The following FAM135B variants were observed in gnomAD, a reference collection of about 807,000 sequenced individuals.
The protein encoded by FAM135B is protein FAM135B.
In FAM135B, 43 loss-of-function variants were observed where a neutral mutation model predicts 127.7. The observed-to-expected ratio is 0.34, with a 90% confidence interval of 0.26 to 0.43. The LOEUF (loss-of-function observed/expected upper bound fraction) is 0.43. Ranked by LOEUF, FAM135B falls within the 20% of genes least tolerant of loss-of-function variation. The pLI is 1.00. For synonymous variants in FAM135B, 670 were observed against 665.1 expected, an observed-to-expected ratio of 1.01 and a Z score of -0.11; for missense variants, 1,558 against 1,725.6, an observed-to-expected ratio of 0.90 and a Z score of 1.72.
chr8:138,424,186 A>C (rs1292993172), intron 1 of FAM135B, among the ~76,000 whole-genome samples: 2 of 152,212 alleles, frequency 1.3e-5, no homozygotes, highest in Non-Finnish European at 2.9e-5. Flanking sequence ...CAGGATTAAG[A>C]TATTAAAGAC....
At chr8:138,474,979 T>A (rs951791716) in intron 1 of FAM135B, among the ~76,000 whole-genome samples, 2 of 152,246 alleles carry the variant, frequency 1.3e-5, no homozygotes, top group Non-Finnish European at 2.9e-5. Flanking sequence ...TTTCCAGACC[T>A]GTCTGTGACA....
intron 1 of FAM135B, among the ~76,000 whole-genome samples, chr8:138,461,698 C>T (rs1018666410): frequency 5.3e-5 from 8 of 152,148 alleles, no homozygotes; most frequent in Non-Finnish European, 7.4e-5. Context: ...GAAGCTCAGA[C>T]GTCAGTAGTC....
At chr8:138,148,029 C>A (rs1457877514) in intron 14 of FAM135B, among the ~76,000 whole-genome samples, 1 of 152,112 alleles carries the variant, frequency 6.6e-6, no homozygotes, top group Admixed American at 6.5e-5. Context: ...GGGCCACTAA[C>A]CTGAGCTCCT....
intron 15 of FAM135B, among the ~76,000 whole-genome samples, chr8:138,143,388 G>A (rs1040265505): frequency 5.9e-5 from 9 of 152,296 alleles, no homozygotes; most frequent in Non-Finnish European, 1.2e-4. Context: ...CGTGCCTGGC[G>A]TGTCAGCGTG....
At chr8:138,472,544 G>A (rs1313047640) in intron 1 of FAM135B, among the ~76,000 whole-genome samples, 2 of 152,152 alleles carry the variant, frequency 1.3e-5, no homozygotes, top group Non-Finnish European at 2.9e-5. Context: ...GTGGTGGGAG[G>A]TAGACAACGG....
Position 138,366,002 on chromosome 8 carries a change from ACTTT to A in FAM135B, c.77+1901_77+1904del, listed in dbSNP as rs1163463742. 2.0e-5 allele frequency among the ~76,000 whole-genome samples: 3 copies of A among 151,938 alleles called. 1 individual carries two copies. Among genetic ancestry groups the A allele is most frequent in the African/African-American group, 7.3e-5 (3 of 41,338 alleles). ...AGCAATTGTAAATAGACGTTCTAAT[ACTTT>A]CTTTCCACATCCTGATGGCTGTCTT... On this transcript the variant is annotated intron_variant, in intron 2 of 19. Coordinates refer to ENST00000395297, the MANE Select transcript of FAM135B (RefSeq NM_015912.4).
chr8:138,297,322 C>T (rs745718665), intron 3 of FAM135B, among the ~76,000 whole-genome samples: 10 of 152,208 alleles, frequency 6.6e-5, no homozygotes, highest in Non-Finnish European at 1.3e-4. Flanking sequence ...CATGACCCCA[C>T]GAGACAGGGT....
rs1290772996 is a variant in FAM135B, at chr8:138,152,661, A to C, written c.1814T>G (p.Ile605Ser). 3 of 1,614,012 alleles carry C rather than the reference A, an allele frequency of 1.9e-6. No individual in the cohort carries two copies. In the Admixed American group the frequency reaches 5.0e-5, roughly 27 times the overall value. ...VVVGGSHQNA[I>S]SSDKTTLHEL... ...ATGGAGAGTTGTTTTGTCTGAAGAG[A>C]TGGCATTTTGGTGGCTTCCACCTAC... The change falls in exon 13 of 20, where the codon ATC becomes AGC. Residue 605 changes from isoleucine to serine, a missense_variant. Around this residue, in one of 5 missense-constraint regions of FAM135B, gnomAD observed 923 missense variants for 865.3 expected, o/e 1.07. Transcript: ENST00000395297.
At chr8:138,339,632 G>A (rs1276140268) in intron 2 of FAM135B, among the ~76,000 whole-genome samples, 2 of 152,092 alleles carry the variant, frequency 1.3e-5, no homozygotes, top group East Asian at 1.9e-4. Flanking sequence ...ATGTGTCACA[G>A]TTTTTTTGCA....
intron 3 of FAM135B, among the ~76,000 whole-genome samples, chr8:138,269,486 C>T (rs1823199441): frequency 6.6e-6 from 1 of 152,204 alleles, no homozygotes; most frequent in Admixed American, 6.5e-5. Flanking sequence ...TTCCCCAGGC[C>T]TGAAGCCAGC....
At position 138,297,312 on chromosome 8, in the gene FAM135B, C is replaced by T. The variant is rs543729269; in HGVS notation, c.157+13529G>A. 5.0e-4 allele frequency among the ~76,000 whole-genome samples: 76 copies of T among 152,318 alleles called. 1 individual carries two copies. The Middle Eastern group carries it at 0.01, about 20-fold the overall frequency. ...TTGCATGACCTAAGTAAATCTGCAA[C>T]ATGACCCCACGAGACAGGGTCTACT... is the stretch of plus-strand genomic sequence containing the variant. On this transcript the variant is annotated intron_variant, in intron 3 of 19. Coordinates refer to ENST00000395297, the MANE Select transcript of FAM135B (RefSeq NM_015912.4).
chr8:138,367,706 GTC>G (rs1380277908), intron 2 of FAM135B, among the ~76,000 whole-genome samples, 199 bp downstream of exon 2: 11 of 152,006 alleles, frequency 7.2e-5, no homozygotes, highest in Admixed American at 7.2e-4. Flanking sequence ...GCACTTTCTA[GTC>G]TCTGTCAATA....
chr8:138,463,951 T>C (rs1237396751), intron 1 of FAM135B, among the ~76,000 whole-genome samples: 1 of 152,238 alleles, frequency 6.6e-6, no homozygotes, highest in African/African-American at 2.4e-5. Context: ...GCTGCATTTT[T>C]GAGTTGTATG....
rs1418490155 is a variant in FAM135B, at chr8:138,242,935, G to A, written c.669+7C>T. The stretch of plus-strand genomic sequence containing the variant: ...GTTTTGAAGCAACTGCCCCACACAG[G>A]CCTTACCTCTGAGGAAGTCGGCTTG... On this transcript the variant is annotated splice_region_variant and intron_variant, in intron 7 of 19. Coordinates refer to ENST00000395297, the MANE Select transcript of FAM135B (RefSeq NM_015912.4). The surrounding 1 kb of genome is among the most constrained non-coding windows in gnomAD (Gnocchi z 9.6). The A allele has an allele frequency of 3.1e-6, 5 of 1,612,584 alleles. No homozygotes were observed. Among genetic ancestry groups the A allele is most frequent in the Non-Finnish European group, 4.2e-6 (5 of 1,179,386 alleles).
chr8:138,490,719 C>T (rs1815159021), intron 1 of FAM135B, among the ~76,000 whole-genome samples: 1 of 152,168 alleles, frequency 6.6e-6, no homozygotes, highest in Non-Finnish European at 1.5e-5. Flanking sequence ...GCCCATCTTC[C>T]CCATAATAAC....
chr8:138,238,770 G>A (rs1013788612), intron 7 of FAM135B, among the ~76,000 whole-genome samples: 2 of 152,222 alleles, frequency 1.3e-5, no homozygotes, highest in African/African-American at 2.4e-5. Flanking sequence ...GAGGTGGAGG[G>A]AGTGGATTTT....
rs936126730 is a variant in FAM135B, at chr8:138,392,929, G to A, written c.-19-24927C>T. 6.3e-4 allele frequency among the ~76,000 whole-genome samples: 96 copies of A among 152,172 alleles called. 1 individual carries two copies. Among genetic ancestry groups the A allele is most frequent in the African/African-American group, 2.3e-3 (95 of 41,448 alleles). On this transcript the variant is annotated intron_variant, in intron 1 of 19. Transcript: ENST00000395297. ...TGTATTAGTCTGTTTTCATGCTGCT[G>A]ATAAAGGCATAACCGAGACTGGGCA...
intron 2 of FAM135B, among the ~76,000 whole-genome samples, chr8:138,321,989 C>T (rs1298289387): frequency 2.6e-5 from 4 of 152,152 alleles, no homozygotes; most frequent in Non-Finnish European, 2.9e-5. Flanking sequence ...CTCTCAAAAC[C>T]GGTCTTGTCT....
At chr8:138,163,723 T>C (rs900931831) in intron 12 of FAM135B, among the ~76,000 whole-genome samples, 1 of 152,102 alleles carries the variant, frequency 6.6e-6, no homozygotes, top group Admixed American at 6.6e-5. Flanking sequence ...AGTTACCCAG[T>C]CTTGGGTATG....
Sources: gnomAD v4.1 joint callset for allele counts (sites outside exome capture counted in the v4.1 genomes callset) on GRCh38, gnomAD v4.1.1 for gene constraint, gnomAD v4.1.1 regional missense constraint, Gnocchi (gnomAD v3.1) non-coding constraint, MANE v1.5 for transcripts, NCBI Gene and HGNC (gene_info 2026-07-23, HGNC 2026-07-21) for gene names.